NAALADL2: variants seen among roughly 807,000 people sequenced by gnomAD.
The protein encoded by NAALADL2 is inactive N-acetylated-alpha-linked acidic dipeptidase-like protein 2.
NAALADL2 carries 76 observed loss-of-function variants against 87.2 expected under a neutral mutation model. The observed-to-expected ratio is 0.87, with a 90% confidence interval of 0.72 to 1.05. The LOEUF (loss-of-function observed/expected upper bound fraction) is 1.05, where lower values mean the gene tolerates loss of function less well. Among genes scored for constraint, NAALADL2 ranks in the 50% least tolerant of loss-of-function variants. The probability of loss-of-function intolerance (pLI) is 0.00; values close to 1 mark genes in which losing one functional copy is unlikely to be tolerated. For missense variants in NAALADL2, 1,089 were observed against 945.8 expected (o/e 1.15, Z -1.99); for synonymous variants, 354 against 331.0 (o/e 1.07, Z -0.75).
intron 2 of NAALADL2, among the ~76,000 whole-genome samples, chr3:174,582,140 A>G (rs937733411): frequency 3.3e-5 from 5 of 152,184 alleles, no homozygotes; most frequent in African/African-American, 9.6e-5. Context: ...GAGTTGTATA[A>G]AAGATTATCC....
intron 11 of NAALADL2, among the ~76,000 whole-genome samples, chr3:175,643,376 C>T (rs1034419266): frequency 2.6e-5 from 4 of 152,174 alleles, no homozygotes; most frequent in African/African-American, 9.7e-5. Context: ...AATGCAATTA[C>T]TGCTTCATAG....
intron 3 of NAALADL2, among the ~76,000 whole-genome samples, chr3:174,769,217 T>C (rs1332735897): frequency 2.6e-5 from 4 of 152,050 alleles, no homozygotes; most frequent in South Asian, 2.1e-4. Context: ...TTATTCAATA[T>C]TCAAATGCAT....
intron 2 of NAALADL2, among the ~76,000 whole-genome samples, chr3:174,722,303 A>G (rs1475146399): frequency 1.3e-5 from 2 of 152,204 alleles, no homozygotes; most frequent in African/African-American, 4.8e-5. Context: ...GTATATTGCT[A>G]ATACCCACTG....
intron 10 of NAALADL2, among the ~76,000 whole-genome samples, chr3:175,579,671 C>T (rs1719456232): frequency 6.6e-6 from 1 of 152,122 alleles, no homozygotes; most frequent in African/African-American, 2.4e-5. Flanking sequence ...CACCATTGCA[C>T]CTGTTGTGAG....
chr3:175,317,275 T>C (rs1427506390), intron 4 of NAALADL2, among the ~76,000 whole-genome samples: 1 of 152,084 alleles, frequency 6.6e-6, no homozygotes, highest in African/African-American at 2.4e-5. Context: ...AACAGTCAAA[T>C]AGTTATTGTA....
At chr3:175,787,669 C>T (rs1752245916) in intron 13 of NAALADL2, among the ~76,000 whole-genome samples, 1 of 152,174 alleles carries the variant, frequency 6.6e-6, no homozygotes, top group Admixed American at 6.5e-5. Flanking sequence ...AATCACCCGT[C>T]TTCTGCGTCG....
chr3:174,645,993 TAGTC>T (rs1285457355), intron 2 of NAALADL2, among the ~76,000 whole-genome samples: 1 of 152,188 alleles, frequency 6.6e-6, no homozygotes, highest in Non-Finnish European at 1.5e-5. Flanking sequence ...CATGTTACAT[TAGTC>T]AGTGTGCAAA....
chr3:175,751,244 T>C (rs6807817), intron 12 of NAALADL2, among the ~76,000 whole-genome samples: 9,352 of 152,056 alleles, frequency 0.062, 950 homozygotes, highest in African/African-American at 0.21. Flanking sequence ...TCTTCAGAAG[T>C]TTGAGATAGC....
rs181575198 is a variant in NAALADL2 at position 175,611,119 on chromosome 3, A to T, written c.1801-16172A>T. Among the ~76,000 whole-genome samples, 10 of 152,188 alleles carry T rather than the reference A, an allele frequency of 6.6e-5. No homozygotes were observed. In the East Asian group the frequency reaches 1.9e-3, roughly 29 times the overall value. On this transcript the variant is annotated intron_variant, in intron 10 of 13. Transcript: ENST00000454872. ...TAGCTAAGTCTACCATGCTATCTGT[A>T]TGGAGAGTTTTGTGAGAATTATTGC...
At position 174,709,551 on chromosome 3, in the gene NAALADL2, T is replaced by C. The variant is rs904142809; in HGVS notation, c.-114-28090T>C. 3.9e-5 allele frequency among the ~76,000 whole-genome samples: 6 copies of C among 152,186 alleles called. No homozygotes were observed. The East Asian group carries it at 1.2e-3, about 29-fold the overall frequency. ...TTTGTATTCTTAAGGTGATATGGCTTGATCTATGGAAATAATACAGAACAT... is the reference window on the plus strand; with the variant it reads ...TTTGTATTCTTAAGGTGATATGGCTCGATCTATGGAAATAATACAGAACAT... On this transcript the variant is annotated intron_variant, in intron 2 of 3. Transcript: ENST00000434257.
chr3:174,983,323 T>C (rs1239239512), intron 1 of NAALADL2, among the ~76,000 whole-genome samples: 3 of 152,116 alleles, frequency 2.0e-5, no homozygotes, highest in Non-Finnish European at 4.4e-5. Context: ...ATAGGGGTGG[T>C]CTCTGATACC....
chr3:174,799,709 A>G (rs184463808), intron 3 of NAALADL2, among the ~76,000 whole-genome samples: 21 of 152,288 alleles, frequency 1.4e-4, no homozygotes, highest in Admixed American at 3.3e-4. Flanking sequence ...GTGACTTTCA[A>G]ACTGGGTAAC....
intron 3 of NAALADL2, among the ~76,000 whole-genome samples, chr3:174,762,335 A>G (rs1017365469): frequency 2.0e-5 from 3 of 149,306 alleles, no homozygotes; most frequent in African/African-American, 7.5e-5. Context: ...TTGTATTTTT[A>G]GTAGAGACGG....
chr3:175,029,295 C>T (rs899556767), intron 1 of NAALADL2, among the ~76,000 whole-genome samples: 1 of 152,010 alleles, frequency 6.6e-6, no homozygotes, highest in Non-Finnish European at 1.5e-5. Flanking sequence ...CCCTTACGTT[C>T]ATTCAGGTAG....
chr3:175,331,910 A>G (rs1761451344), intron 5 of NAALADL2, among the ~76,000 whole-genome samples: 1 of 152,224 alleles, frequency 6.6e-6, no homozygotes, highest in African/African-American at 2.4e-5. Context: ...AAATCAACAT[A>G]CAAAATCAGC....
intron 3 of NAALADL2, among the ~76,000 whole-genome samples, chr3:174,807,847 T>C (rs549328578): frequency 3.8e-4 from 57 of 150,656 alleles, no homozygotes; most frequent in Non-Finnish European, 7.5e-4. Context: ...AAATAATAGT[T>C]TGCTTATCAC....
At chr3:174,989,090 T>C (rs1178236686) in intron 1 of NAALADL2, among the ~76,000 whole-genome samples, 2 of 152,132 alleles carry the variant, frequency 1.3e-5, no homozygotes, top group Non-Finnish European at 2.9e-5. Context: ...CTGTTCTTTT[T>C]AAGAACCAGC....
At chr3:174,782,193 C>T (rs1716071453) in intron 3 of NAALADL2, among the ~76,000 whole-genome samples, 1 of 152,028 alleles carries the variant, frequency 6.6e-6, no homozygotes, top group Non-Finnish European at 1.5e-5. Flanking sequence ...AGTAGATGAT[C>T]CTGAGAATAA....
chr3:174,585,936 G>C (rs1371079912), intron 2 of NAALADL2, among the ~76,000 whole-genome samples: 1 of 152,032 alleles, frequency 6.6e-6, no homozygotes, highest in Non-Finnish European at 1.5e-5. Flanking sequence ...TCTATTTTCT[G>C]GTCTGTACAA....
Sources: gnomAD v4.1 joint callset for allele counts (sites outside exome capture counted in the v4.1 genomes callset) on GRCh38, gnomAD v4.1.1 for gene constraint, MANE v1.5 for transcripts, NCBI Gene and HGNC (gene_info 2026-07-23, HGNC 2026-07-21) for gene names.